RAD51B: variants seen among roughly 807,000 people sequenced by gnomAD.
RAD51B encodes RAD51 paralog B, also known as DNA repair protein RAD51 homolog 2.
RAD51B carries 38 observed loss-of-function variants against 42.2 expected under a neutral mutation model. The ratio of observed to expected loss-of-function variants is 0.90; its 90% CI spans 0.70 to 1.18. The LOEUF (loss-of-function observed/expected upper bound fraction) is 1.18, where lower values mean the gene tolerates loss of function less well. Among genes scored for constraint, RAD51B ranks in the 50% most tolerant of loss-of-function variants. The probability of loss-of-function intolerance (pLI) is 0.00; values close to 1 mark genes in which losing one functional copy is unlikely to be tolerated. For missense variants in RAD51B, 373 were observed against 400.7 expected, an observed-to-expected ratio of 0.93 and a Z score of 0.59; for synonymous variants, 154 against 145.2, an observed-to-expected ratio of 1.06 and a Z score of -0.43.
chr14:68,234,745 G>C (rs1019713088), intron 7 of RAD51B, among the ~76,000 whole-genome samples: 2 of 152,054 alleles, frequency 1.3e-5, no homozygotes, highest in African/African-American at 2.4e-5. Flanking sequence ...GTGAGTGCAC[G>C]GTAAGTAAAT....
chr14:68,247,933 G>A lies in RAD51B; in HGVS notation c.757-43951G>A, dbSNP rs376250355. Reference sequence around the variant, plus strand: ...GCAAAGCGCTTTATAGTTACAAAATGCCTTCATGTACATTTCTAATTGATC... The same window carrying A: ...GCAAAGCGCTTTATAGTTACAAAATACCTTCATGTACATTTCTAATTGATC... On this transcript the variant is annotated intron_variant, in intron 7 of 10. Coordinates refer to ENST00000471583, the MANE Select transcript of RAD51B (RefSeq NM_133510.4). 1.1e-4 allele frequency among the ~76,000 whole-genome samples: 16 copies of A among 152,296 alleles called. No homozygotes were observed. The East Asian group carries it at 2.5e-3, about 24-fold the overall frequency.
At chr14:68,073,788 A>G (rs2076791040) in intron 7 of RAD51B, among the ~76,000 whole-genome samples, 1 of 152,172 alleles carries the variant, frequency 6.6e-6, no homozygotes, top group South Asian at 2.1e-4. Context: ...TCCTGAAGCT[A>G]GTTTGGCTGG....
intron 7 of RAD51B, chr14:68,114,098 A>G (rs1467156261): frequency 6.6e-6 from 1 of 152,100 alleles, no homozygotes; most frequent in African/African-American, 2.4e-5. Flanking sequence ...CTGAATACAT[A>G]TATATGGTTT....
At chr14:68,273,675 C>A (rs1298527938) in intron 7 of RAD51B, among the ~76,000 whole-genome samples, 1 of 151,978 alleles carries the variant, frequency 6.6e-6, no homozygotes, top group Non-Finnish European at 1.5e-5. Context: ...TCGGAACAAG[C>A]ACTTCCATCA....
At chr14:68,649,751 C>T (rs1004890528) in intron 10 of RAD51B, among the ~76,000 whole-genome samples, 2 of 152,190 alleles carry the variant, frequency 1.3e-5, no homozygotes, top group African/African-American at 4.8e-5. Flanking sequence ...GGCAGATTTC[C>T]TCCAATCACT....
downstream of RAD51B, among the ~76,000 whole-genome samples, chr14:68,616,326 T>C (rs1891826150): frequency 6.6e-6 from 1 of 151,820 alleles, no homozygotes; most frequent in Non-Finnish European, 1.5e-5. Flanking sequence ...GTCTAAGCTT[T>C]CATTTATCTC....
At position 68,204,573 on chromosome 14, in the gene RAD51B, CAG is replaced by C. The variant is rs1397245259; in HGVS notation, c.757-87308_757-87307del. Among the ~76,000 whole-genome samples, 7 of 152,254 alleles carry C rather than the reference CAG, an allele frequency of 4.6e-5. No homozygotes were observed. In the East Asian group the frequency reaches 1.4e-3, roughly 29 times the overall value. On this transcript the variant is annotated intron_variant, in intron 7 of 10. Coordinates refer to ENST00000471583, the MANE Select transcript of RAD51B (RefSeq NM_133510.4). ...ATGGCACTAATAGACTTGTTTGATG[CAG>C]AGTTGCCACAACCTTCAATTTGTAA...
intron 7 of RAD51B, among the ~76,000 whole-genome samples, chr14:67,967,349 A>G (rs2074801333): frequency 6.6e-6 from 1 of 152,252 alleles, no homozygotes; most frequent in African/African-American, 2.4e-5. Flanking sequence ...TTCAAAACCA[A>G]TCATGCCTTC....
chr14:67,861,889 A>G (rs1015294337), intron 4 of RAD51B, among the ~76,000 whole-genome samples: 2 of 152,130 alleles, frequency 1.3e-5, no homozygotes, highest in Non-Finnish European at 2.9e-5. Context: ...TGTGTGTCTT[A>G]TGAAAATTTA....
intron 10 of RAD51B, among the ~76,000 whole-genome samples, chr14:68,477,054 T>C (rs1033531374): frequency 6.6e-6 from 1 of 152,136 alleles, no homozygotes; most frequent in Non-Finnish European, 1.5e-5. Flanking sequence ...ATAGGGAGGA[T>C]AAATGAAGGC....
At chr14:67,869,605 A>C (rs1272382932) in intron 5 of RAD51B, among the ~76,000 whole-genome samples, 1 of 152,082 alleles carries the variant, frequency 6.6e-6, no homozygotes, top group Non-Finnish European at 1.5e-5. Context: ...GATACTCCTC[A>C]AGAAGAGCAA....
intron 7 of RAD51B, among the ~76,000 whole-genome samples, chr14:68,095,742 G>A (rs781354847): frequency 2.0e-5 from 3 of 151,904 alleles, no homozygotes; most frequent in Admixed American, 6.6e-5. Flanking sequence ...TTGGGAGCCC[G>A]AGGTGGGCGG....
At chr14:68,498,814 A>T (rs1367536337) in intron 10 of RAD51B, among the ~76,000 whole-genome samples, 1 of 152,224 alleles carries the variant, frequency 6.6e-6, no homozygotes, top group Admixed American at 6.5e-5. Context: ...GAAACAAAAA[A>T]TGCATTGTAT....
At chr14:68,201,756 A>G (rs1192299295) in intron 7 of RAD51B, among the ~76,000 whole-genome samples, 1 of 152,200 alleles carries the variant, frequency 6.6e-6, no homozygotes, top group African/African-American at 2.4e-5. Context: ...GGCTCTGTGG[A>G]AGAGGAGAGA....
chr14:68,434,625 T>C (rs1444407227), intron 9 of RAD51B, among the ~76,000 whole-genome samples: 1 of 152,190 alleles, frequency 6.6e-6, no homozygotes, highest in Non-Finnish European at 1.5e-5. Flanking sequence ...TGACCTGATT[T>C]TCCAGGTGCT....
At chr14:68,658,104 C>A (rs1483706595) in intron 11 of RAD51B, among the ~76,000 whole-genome samples, 1 of 152,238 alleles carries the variant, frequency 6.6e-6, no homozygotes. Flanking sequence ...CGCCACTGCA[C>A]AACTCCGACA....
intron 7 of RAD51B, among the ~76,000 whole-genome samples, chr14:68,033,670 G>A (rs145947977): frequency 9.2e-5 from 14 of 152,182 alleles, no homozygotes; most frequent in Non-Finnish European, 1.6e-4. Flanking sequence ...AGGGCAGAAG[G>A]CTATGGCTTC....
At chr14:68,049,259 T>G (rs1255586733) in intron 7 of RAD51B, among the ~76,000 whole-genome samples, 1 of 152,060 alleles carries the variant, frequency 6.6e-6, no homozygotes, top group East Asian at 1.9e-4. Flanking sequence ...CTAATGTAAA[T>G]GACGAGTTAA....
At chr14:68,151,612 TTG>T (rs563841222) in intron 7 of RAD51B, among the ~76,000 whole-genome samples, 28 of 150,768 alleles carry the variant, frequency 1.9e-4, no homozygotes, top group Non-Finnish European at 1.3e-4. Flanking sequence ...TCTTGGTTTT[TTG>T]TGTGTGTGTG....
Sources: allele counts gnomAD v4.1 joint callset (sites outside exome capture counted in the v4.1 genomes callset), GRCh38; gene constraint gnomAD v4.1.1; transcripts MANE v1.5; gene names NCBI Gene and HGNC (gene_info 2026-07-23, HGNC 2026-07-21).